The following PTPRM variants were observed in gnomAD, a reference collection of about 807,000 sequenced individuals.
The protein encoded by PTPRM is protein tyrosine phosphatase receptor type M.
PTPRM carries 47 observed loss-of-function variants against 186.7 expected under a neutral mutation model. The ratio of observed to expected loss-of-function variants is 0.25; its 90% CI spans 0.20 to 0.32. The LOEUF (loss-of-function observed/expected upper bound fraction) is 0.32. PTPRM is among the 10% of genes least tolerant of loss of function. PTPRM has a pLI of 1.00. For missense variants in PTPRM, 1,494 were observed against 1,865.0 expected (o/e 0.80, Z 3.66); for synonymous variants, 668 against 674.9 (o/e 0.99, Z 0.16).
At chr18:8,178,097 A>G (rs1462671024) in intron 14 of PTPRM, among the ~76,000 whole-genome samples, 3 of 152,176 alleles carry the variant, frequency 2.0e-5, no homozygotes, top group Admixed American at 1.3e-4. Flanking sequence ...GAAGCTGCTG[A>G]TCACCAGTTT....
At chr18:8,104,556 C>A (rs569221236) in intron 11 of PTPRM, among the ~76,000 whole-genome samples, 1 of 152,250 alleles carries the variant, frequency 6.6e-6, no homozygotes, top group East Asian at 1.9e-4. Flanking sequence ...GCGATCCTCC[C>A]ACCTCAGTCT....
rs71354588 is a variant in PTPRM at position 8,023,870 on chromosome 18, A to ACACACACACACACACG, written c.1133-45815_1133-45814insACACACACACACACGC. Among the ~76,000 whole-genome samples, 180 of 149,374 alleles carry ACACACACACACACACG rather than the reference A, an allele frequency of 1.2e-3. 4 individuals carry two copies. Among genetic ancestry groups the ACACACACACACACACG allele is most frequent in the Admixed American group, 2.7e-3 (40 of 15,010 alleles). ...CACACACACACACACACACACACAC[A>ACACACACACACACACG]CGCACACCCCTCCTATGAATGAACC... On this transcript the variant is annotated intron_variant, in intron 7 of 32. Coordinates refer to ENST00000580170, the MANE Select transcript of PTPRM (RefSeq NM_001105244.2).
intron 2 of PTPRM, among the ~76,000 whole-genome samples, chr18:7,828,494 C>G (rs1373654850): frequency 6.6e-6 from 1 of 152,054 alleles, no homozygotes; most frequent in Admixed American, 6.6e-5. Flanking sequence ...AAACTGAAAC[C>G]TGGCAGTGAC....
At chr18:7,827,878 C>T (rs1265711814) in intron 2 of PTPRM, among the ~76,000 whole-genome samples, 1 of 152,134 alleles carries the variant, frequency 6.6e-6, no homozygotes, top group Non-Finnish European at 1.5e-5. Context: ...GAAAGTCCAC[C>T]CACATATTCC....
intron 22 of PTPRM, among the ~76,000 whole-genome samples, chr18:8,333,533 A>G (rs2095422826): frequency 6.6e-6 from 1 of 152,240 alleles, no homozygotes. Flanking sequence ...AAACTTAGAA[A>G]ACCACTGAAG....
At chr18:8,212,313 C>T (rs531671396) in intron 14 of PTPRM, among the ~76,000 whole-genome samples, 27 of 152,260 alleles carry the variant, frequency 1.8e-4, no homozygotes, top group African/African-American at 5.8e-4. Context: ...GGCGGCAATA[C>T]AGGTGTGGCC....
At chr18:8,173,698 G>C (rs1281846771) in intron 14 of PTPRM, among the ~76,000 whole-genome samples, 1 of 152,204 alleles carries the variant, frequency 6.6e-6, no homozygotes, top group East Asian at 1.9e-4. Flanking sequence ...CTTCTGGGTA[G>C]GGCCACAGGA....
intron 1 of PTPRM, among the ~76,000 whole-genome samples, chr18:7,635,675 T>G (rs768851679): frequency 3.4e-4 from 52 of 152,236 alleles, no homozygotes; most frequent in Non-Finnish European, 4.0e-4. Context: ...CTCTGAAGTT[T>G]GCTCATATTG....
In PTPRM at chr18:7,693,999, A is replaced by G. The variant is rs139393260; in HGVS notation, c.74-80150A>G. ...TCTGAGCAAGCCTTGATACCTGACTACTACTCAGTAGGCCGTGGGGTGTCA... is the reference window on the plus strand; with the variant it reads ...TCTGAGCAAGCCTTGATACCTGACTGCTACTCAGTAGGCCGTGGGGTGTCA... On this transcript the variant is annotated intron_variant, in intron 1 of 32. Coordinates refer to ENST00000580170, the MANE Select transcript of PTPRM (RefSeq NM_001105244.2). 3.5e-3 allele frequency among the ~76,000 whole-genome samples: 532 copies of G among 152,256 alleles called. 5 individuals carry two copies. Among genetic ancestry groups the G allele is most frequent in the African/African-American group, 0.011 (472 of 41,544 alleles).
At chr18:7,835,192 TTTTTTTTTTTTG>T (rs2045981518) in intron 2 of PTPRM, among the ~76,000 whole-genome samples, 1 of 149,004 alleles carries the variant, frequency 6.7e-6, no homozygotes, top group South Asian at 2.1e-4. Context: ...ATTTTTCTTT[TTTTTTTTTTTTG>T]TTGTAGGCAC....
intron 2 of PTPRM, among the ~76,000 whole-genome samples, chr18:7,876,170 G>A (rs1413074346): frequency 6.6e-6 from 1 of 151,908 alleles, no homozygotes; most frequent in Non-Finnish European, 1.5e-5. Context: ...CAAAACGTCT[G>A]TATTGATATA....
intron 22 of PTPRM, among the ~76,000 whole-genome samples, chr18:8,332,035 G>A (rs1440114855): frequency 1.3e-5 from 2 of 152,300 alleles, no homozygotes; most frequent in South Asian, 2.1e-4. Flanking sequence ...AGCAGTTCCT[G>A]AGATAAGAAT....
intron 14 of PTPRM, among the ~76,000 whole-genome samples, chr18:8,168,645 T>C (rs1365376921): frequency 6.6e-6 from 1 of 152,224 alleles, no homozygotes; most frequent in East Asian, 1.9e-4. Flanking sequence ...AAATTATTTG[T>C]GTTACTAGAG....
intron 14 of PTPRM, among the ~76,000 whole-genome samples, chr18:8,200,436 G>A (rs778279867): frequency 4.6e-5 from 7 of 152,212 alleles, no homozygotes; most frequent in Non-Finnish European, 1.0e-4. Context: ...TTGTTTTTAC[G>A]CATTTGACTT....
intron 13 of PTPRM, chr18:8,122,294 T>C (rs917915442): frequency 6.6e-6 from 1 of 152,634 alleles, no homozygotes; most frequent in Non-Finnish European, 1.5e-5. Flanking sequence ...TCGCCCCCGC[T>C]GCAGGCGACG....
At chr18:8,147,067 T>C (rs2092904092) in intron 14 of PTPRM, among the ~76,000 whole-genome samples, 1 of 152,206 alleles carries the variant, frequency 6.6e-6, no homozygotes, top group Non-Finnish European at 1.5e-5. Context: ...GTAGTATAGT[T>C]TGAAGTCAGG....
chr18:8,350,092 A>G (rs1250876573), intron 23 of PTPRM, among the ~76,000 whole-genome samples: 4 of 152,334 alleles, frequency 2.6e-5, no homozygotes, highest in Admixed American at 2.6e-4. Context: ...TAGGAGCTAC[A>G]GCTCTGAGTC....
intron 5 of PTPRM, among the ~76,000 whole-genome samples, chr18:7,932,658 A>C (rs9972988): frequency 0.062 from 9,421 of 152,046 alleles, 729 homozygotes; most frequent in African/African-American, 0.19. Context: ...TGATAGTCTC[A>C]GATTTACTGT....
intron 1 of PTPRM, among the ~76,000 whole-genome samples, chr18:7,662,510 T>G (rs2039003332): frequency 6.6e-6 from 1 of 152,032 alleles, no homozygotes; most frequent in Admixed American, 6.5e-5. Context: ...AGCTAAAAAT[T>G]AAAACAGTTG....
Sources: allele counts gnomAD v4.1 joint callset (sites outside exome capture counted in the v4.1 genomes callset), GRCh38; gene constraint gnomAD v4.1.1; transcripts MANE v1.5; gene names NCBI Gene and HGNC (gene_info 2026-07-23, HGNC 2026-07-21).